Variants in GRM3 observed in about 807,000 individuals in gnomAD.
GRM3 encodes the protein glutamate metabotropic receptor 3.
Under a neutral mutation model 70.5 loss-of-function variants are expected in GRM3, and 26 were observed. That is an observed-to-expected ratio of 0.37 (90% CI 0.27 to 0.51). GRM3 has a LOEUF of 0.51. Among genes scored for constraint, GRM3 ranks in the 20% least tolerant of loss-of-function variants. The pLI, the probability that GRM3 is intolerant of heterozygous loss-of-function variation, is 0.93. For missense variants in GRM3, 859 were observed against 1,123.8 expected, an observed-to-expected ratio of 0.76 and a Z score of 3.37; for synonymous variants, 443 against 434.9, an observed-to-expected ratio of 1.02 and a Z score of -0.23.
At chr7:86,710,587 G>A (rs1178132060) in intron 1 of GRM3, among the ~76,000 whole-genome samples, 2 of 120,780 alleles carry the variant, frequency 1.7e-5, no homozygotes, top group Non-Finnish European at 3.5e-5. Flanking sequence ...GGGAGGGGGC[G>A]GGTGGTGGGG....
chr7:86,760,356 T>A lies in GRM3; in HGVS notation c.-140-4650T>A, dbSNP rs1192878284. On this transcript the variant is annotated intron_variant, in intron 1 of 5. Coordinates refer to ENST00000361669, the MANE Select transcript of GRM3 (RefSeq NM_000840.3). ...GAGATTCTATTAATGCATGAATTAA[T>A]AAAACATTGGTGAGCAGGTTGCCTA... Among the ~76,000 whole-genome samples the A allele has an allele frequency of 5.3e-5, 8 of 152,290 alleles. No individual in the cohort carries two copies. In the East Asian group the frequency reaches 5.8e-4, roughly 11 times the overall value.
At chr7:86,768,499 T>C (rs566090262) in intron 2 of GRM3, among the ~76,000 whole-genome samples, 1 of 152,288 alleles carries the variant, frequency 6.6e-6, no homozygotes, top group African/African-American at 2.4e-5. Flanking sequence ...TACAATGTGC[T>C]CTGAAATAAC....
chr7:86,789,480 T>C (rs1486305487), intron 3 of GRM3, among the ~76,000 whole-genome samples: 2 of 152,246 alleles, frequency 1.3e-5, no homozygotes. Context: ...TATGCATTAT[T>C]ACTGCTTTAA....
At chr7:86,698,664 A>G (rs1206157862) in intron 1 of GRM3, among the ~76,000 whole-genome samples, 2 of 151,670 alleles carry the variant, frequency 1.3e-5, no homozygotes, top group African/African-American at 2.4e-5. Flanking sequence ...TCAATTTTCT[A>G]TTTAAAAACT....
intron 3 of GRM3, among the ~76,000 whole-genome samples, chr7:86,801,028 G>C (rs1797668516): frequency 6.8e-6 from 1 of 146,532 alleles, no homozygotes; most frequent in South Asian, 2.2e-4. Context: ...CTAGCAACTA[G>C]TCTCATCTTT....
At chr7:86,856,338 C>T (rs1460797179) in intron 5 of GRM3, among the ~76,000 whole-genome samples, 1 of 151,030 alleles carries the variant, frequency 6.6e-6, no homozygotes, top group African/African-American at 2.4e-5. Context: ...CACAGCTACT[C>T]ATGAGGCTGA....
At position 86,756,501 on chromosome 7, in the gene GRM3, G is replaced by A. The variant is rs143715492; in HGVS notation, c.-140-8505G>A. On this transcript the variant is annotated intron_variant, in intron 1 of 5. Transcript: ENST00000361669. ...TTAACTGGATAGAGAATTCTGTGGT[G>A]CTTGACCAGTTTTTCCCCAGAACTT... Among the ~76,000 whole-genome samples the A allele has an allele frequency of 7.6e-4, 115 of 152,232 alleles. 1 individual carries two copies. In the East Asian group the frequency reaches 0.015, roughly 20 times the overall value.
intron 3 of GRM3, among the ~76,000 whole-genome samples, chr7:86,788,065 T>C (rs929285135): frequency 2.6e-5 from 4 of 152,170 alleles, no homozygotes; most frequent in Non-Finnish European, 4.4e-5. Context: ...CCAAAAACAT[T>C]ACAGTGATAA....
Position 86,716,902 on chromosome 7 carries a change from T to C in GRM3, c.-140-48104T>C, listed in dbSNP as rs527495490. 3.9e-5 allele frequency among the ~76,000 whole-genome samples: 6 copies of C among 151,918 alleles called. No homozygotes were observed. In the East Asian group the frequency reaches 9.7e-4, roughly 25 times the overall value. On this transcript the variant is annotated intron_variant, in intron 1 of 5. Coordinates refer to ENST00000361669, the MANE Select transcript of GRM3 (RefSeq NM_000840.3). ...CTATTTCAGATTTATAGATTAAAGA[T>C]TGATTTTTCCAGTGCAAGTAGACAC... is the stretch of plus-strand genomic sequence containing the variant.
In GRM3 at chr7:86,765,320, C is replaced by G. The variant is rs759326103; in HGVS notation, c.175C>G (p.Arg59Gly). 1.9e-6 allele frequency: 3 copies of G among 1,613,592 alleles called. No homozygotes were observed. The highest frequency in any genetic ancestry group is 2.5e-6 in the Non-Finnish European group (3 of 1,179,836). ...EKGTGTEECG[R>G]INEDRGIQRL... ...AGGCACTGGAACTGAAGAATGTGGG[C>G]GAATCAATGAAGACCGAGGGATTCA... Residue 59 changes from arginine (R) to glycine (G), a missense_variant, in exon 2 of 6, where the codon CGA becomes GGA. Coordinates refer to ENST00000361669, the MANE Select transcript of GRM3 (RefSeq NM_000840.3).
rs937342256 is a variant in GRM3, at chr7:86,759,660, A to T, written c.-140-5346A>T. 5.3e-5 allele frequency among the ~76,000 whole-genome samples: 8 copies of T among 152,150 alleles called. No homozygotes were observed. The South Asian group carries it at 1.7e-3, about 31-fold the overall frequency. ...CAAATAAAACACAAGACAAAATATG[A>T]TCCTCATGATAAACATAGCACAAAG... On this transcript the variant is annotated intron_variant, in intron 1 of 5. Coordinates refer to ENST00000361669, the MANE Select transcript of GRM3 (RefSeq NM_000840.3).
chr7:86,749,179 C>A (rs1296733155), intron 1 of GRM3, among the ~76,000 whole-genome samples: 2 of 151,986 alleles, frequency 1.3e-5, no homozygotes, highest in Non-Finnish European at 2.9e-5. Context: ...ATAAAAATAG[C>A]TTTTAAACAA....
chr7:86,821,260 T>C (rs1160717598), intron 3 of GRM3, among the ~76,000 whole-genome samples: 1 of 152,094 alleles, frequency 6.6e-6, no homozygotes, highest in Non-Finnish European at 1.5e-5. Context: ...AAGTCTGCAA[T>C]ATAAAGAACT....
chr7:86,774,647 T>G (rs992788138), intron 2 of GRM3, among the ~76,000 whole-genome samples: 2 of 151,720 alleles, frequency 1.3e-5, no homozygotes, highest in African/African-American at 4.8e-5. Flanking sequence ...GCAAAGCATC[T>G]TGACAGATTT....
At chr7:86,815,220 T>C (rs1440619359) in intron 3 of GRM3, among the ~76,000 whole-genome samples, 1 of 151,750 alleles carries the variant, frequency 6.6e-6, no homozygotes, top group East Asian at 1.9e-4. Context: ...AACACGTATC[T>C]ACTTACAGGA....
chr7:86,802,221 T>G (rs1322614506), intron 3 of GRM3, among the ~76,000 whole-genome samples: 1 of 152,118 alleles, frequency 6.6e-6, no homozygotes, highest in Non-Finnish European at 1.5e-5. Context: ...CTAAGTGGCT[T>G]TGGAGATTTG....
At chr7:86,691,534 G>T (rs1445748467) in intron 1 of GRM3, among the ~76,000 whole-genome samples, 2 of 152,186 alleles carry the variant, frequency 1.3e-5, no homozygotes, top group African/African-American at 2.4e-5. Flanking sequence ...AAATAAGTTT[G>T]TTGAGTGCCA....
intron 3 of GRM3, among the ~76,000 whole-genome samples, chr7:86,795,801 A>T (rs1489337894): frequency 1.3e-5 from 2 of 152,156 alleles, no homozygotes; most frequent in African/African-American, 4.8e-5. Context: ...TTCTGGTTCA[A>T]GGTCTTTGAG....
chr7:86,781,076 A>T (rs1797044923), intron 2 of GRM3, among the ~76,000 whole-genome samples: 1 of 152,154 alleles, frequency 6.6e-6, no homozygotes, highest in Non-Finnish European at 1.5e-5. Context: ...TGCACTCTTT[A>T]CCTTAGTTTC....
Sources: allele counts gnomAD v4.1 joint callset (sites outside exome capture counted in the v4.1 genomes callset), GRCh38; gene constraint gnomAD v4.1.1; transcripts MANE v1.5; gene names NCBI Gene and HGNC (gene_info 2026-07-23, HGNC 2026-07-21).